The following PRSS22 variants were observed in gnomAD, a reference collection of about 807,000 sequenced individuals.
PRSS22 encodes serine protease 22, also known as brain-specific serine protease 4.
In PRSS22, 26 loss-of-function variants were observed where a neutral mutation model predicts 28.0. That is an observed-to-expected ratio of 0.93 (90% CI 0.68 to 1.29). The LOEUF (loss-of-function observed/expected upper bound fraction) is 1.29. Ranked by LOEUF, PRSS22 falls within the 50% of genes most tolerant of loss-of-function variation. The pLI, the probability that PRSS22 is intolerant of heterozygous loss-of-function variation, is 0.00. For missense variants in PRSS22, 444 were observed against 422.1 expected (o/e 1.05, Z -0.46); for synonymous variants, 217 against 177.9 (o/e 1.22, Z -1.75).
chr16:2,853,013 C>A lies in PRSS22; in HGVS notation c.*80G>T. 2.0e-6 allele frequency: 2 copies of A among 1,003,398 alleles called. No homozygotes were observed. Among genetic ancestry groups the A allele is most frequent in the South Asian group, 1.7e-5 (1 of 58,244 alleles). 62.2% of individuals were successfully genotyped at this position (1,003,398 alleles called of 1,614,324 possible). ...ATGAGCCTATTTACGGCGGGGGAAA[C>A]CGCCCGAGGCCGCCGCAGATCCAGA... On this transcript the variant is annotated 3_prime_UTR_variant, in exon 6 of 6. Coordinates refer to ENST00000161006, the MANE Select transcript of PRSS22 (RefSeq NM_022119.4). This position sits in a 1 kb window ranked among gnomAD's most constrained non-coding sequence, Gnocchi z 4.6.
intron 4 of PRSS22, among the ~76,000 whole-genome samples, chr16:2,855,131 T>G (rs2069442044): frequency 6.6e-6 from 1 of 151,968 alleles, no homozygotes; most frequent in South Asian, 2.1e-4. Flanking sequence ...GTGGATTGCT[T>G]GAGCCCAACA....
At position 2,856,890 on chromosome 16, in the gene PRSS22, C is replaced by G; in HGVS notation, c.83-42G>C. On this transcript the variant is annotated intron_variant, in intron 1 of 5. Coordinates refer to ENST00000161006, the MANE Select transcript of PRSS22 (RefSeq NM_022119.4). ...GAAACGGTTAGGCCGGTGAGGGGCC[C>G]CAGGACACAGTGGTGAGGGGCCCTC... 3.2e-6 allele frequency: 5 copies of G among 1,550,708 alleles called. No individual in the cohort carries two copies. In the South Asian group the frequency reaches 4.8e-5, roughly 15 times the overall value.
At position 2,853,474 on chromosome 16, in the gene PRSS22, G is replaced by A. The variant is rs527258080; in HGVS notation, c.718-145C>T. On this transcript the variant is annotated intron_variant, in intron 5 of 5. Coordinates refer to ENST00000161006, the MANE Select transcript of PRSS22 (RefSeq NM_022119.4). This position sits in a 1 kb window ranked among gnomAD's most constrained non-coding sequence, Gnocchi z 4.6. ...GGAGACAGGACCTGAGCTCCACCCA[G>A]GTGAGAAGTCCCCGGCGGCAGAGTA... The A allele has an allele frequency of 1.4e-6, 1 of 700,662 alleles. No individual in the cohort carries two copies. Among genetic ancestry groups the A allele is most frequent in the East Asian group, 2.7e-5 (1 of 36,764 alleles). The allele number at this position is 700,662 out of a possible 1,614,324, so 43.4% of individuals were successfully genotyped here. A position where few individuals can be genotyped will look rare whatever the true frequency, so the allele number is the denominator to read the frequency against.
chr16:2,855,428 G>T (rs370743956), intron 4 of PRSS22, 146 bp downstream of exon 4: 37 of 800,042 alleles, frequency 4.6e-5, no homozygotes, highest in African/African-American at 4.5e-4. Flanking sequence ...GGTTTCTTCT[G>T]GATTGCAGCC....
In PRSS22 at chr16:2,853,345, G is replaced by A. The variant is rs762119152; in HGVS notation, c.718-16C>T. Reference sequence around the variant, plus strand: ...CGGAGTCGCCCTGCAGAGAGGAGGCGAGGTTAGGAACCCCCGTGGCACAGG... The same window carrying A: ...CGGAGTCGCCCTGCAGAGAGGAGGCAAGGTTAGGAACCCCCGTGGCACAGG... On this transcript the variant is annotated splice_polypyrimidine_tract_variant and intron_variant, in intron 5 of 5. Transcript: ENST00000161006. This position sits in a 1 kb window ranked among gnomAD's most constrained non-coding sequence, Gnocchi z 4.6. The A allele has an allele frequency of 1.5e-5, 23 of 1,583,820 alleles. No individual in the cohort carries two copies. The highest frequency in any genetic ancestry group is 1.7e-5 in the Admixed American group (1 of 57,928).
Position 2,858,019 on chromosome 16 carries a change from G to T in PRSS22, c.82+4C>A, listed in dbSNP as rs1022870476. 7.8e-7 allele frequency: 1 copy of T among 1,278,796 alleles called. No homozygotes were observed. The highest frequency in any genetic ancestry group is 1.5e-5 in the African/African-American group (1 of 64,992). 79.2% of individuals were successfully genotyped at this position (1,278,796 alleles called of 1,614,324 possible). On this transcript the variant is annotated splice_donor_region_variant and intron_variant, in intron 1 of 5. Coordinates refer to ENST00000161006, the MANE Select transcript of PRSS22 (RefSeq NM_022119.4). ...GAGGAGGGAGGAGCAGCCTCCGGAC[G>T]TACCTGTCGACGCCAGCAGCAGCAG...
Position 2,853,748 on chromosome 16 carries a change from C to T in PRSS22, c.717+117G>A. On this transcript the variant is annotated intron_variant, in intron 5 of 5. Coordinates refer to ENST00000161006, the MANE Select transcript of PRSS22 (RefSeq NM_022119.4). This position sits in a 1 kb window ranked among gnomAD's most constrained non-coding sequence, Gnocchi z 4.6. ...TATGGGGACCCGGGACTGTCAGGCA[C>T]AGCCAGTTCTGGGGAGGAGGCCAGG... 2 of 1,184,320 alleles carry T rather than the reference C, an allele frequency of 1.7e-6. No homozygotes were observed. Among genetic ancestry groups the T allele is most frequent in the Non-Finnish European group, 2.4e-6 (2 of 848,050 alleles). The allele number at this position is 1,184,320 out of a possible 1,614,324, so 73.4% of individuals were successfully genotyped here.
intron 1 of PRSS22, chr16:2,857,709 A>C (rs1406720945): frequency 8.0e-6 from 2 of 251,384 alleles, no homozygotes. Context: ...GGAACAACAC[A>C]AAACGGTGCT....
rs2069425512 is a variant in PRSS22, at chr16:2,853,401, C to G, written c.718-72G>C. The G allele has an allele frequency of 7.7e-7, 1 of 1,291,500 alleles. No homozygotes were observed. 80.0% of individuals were successfully genotyped at this position (1,291,500 alleles called of 1,614,324 possible). On this transcript the variant is annotated intron_variant, in intron 5 of 5. Transcript: ENST00000161006. This position sits in a 1 kb window ranked among gnomAD's most constrained non-coding sequence, Gnocchi z 4.6. Reference sequence around the variant, plus strand: ...GCAGAATCCAGGGCCCGTGCCCTGTCAGGGGGCAGATGAGCCCCTTCCCGG... The same window carrying G: ...GCAGAATCCAGGGCCCGTGCCCTGTGAGGGGGCAGATGAGCCCCTTCCCGG...
At chr16:2,857,093 G>A in intron 1 of PRSS22, 1 of 600,130 alleles carries the variant, frequency 1.7e-6, no homozygotes, top group Non-Finnish European at 2.9e-6. Flanking sequence ...ACCCAGTGAG[G>A]AGGGTCCCTC....
Position 2,857,160 on chromosome 16 carries a change from A to G in PRSS22, c.83-312T>C, listed in dbSNP as rs569566136. ...GAGAAGGGGTCCAGTGCCCAGTGGGAAGGGGTCCCAGCACCCAGTGAGGAG... is the reference window on the plus strand; with the variant it reads ...GAGAAGGGGTCCAGTGCCCAGTGGGGAGGGGTCCCAGCACCCAGTGAGGAG... On this transcript the variant is annotated intron_variant, in intron 1 of 5. Transcript: ENST00000161006. The G allele has an allele frequency of 5.4e-5, 22 of 404,510 alleles. No individual in the cohort carries two copies. In the Admixed American group the frequency reaches 7.0e-4, roughly 13 times the overall value. The allele number at this position is 404,510 out of a possible 1,614,324, so 25.1% of individuals were successfully genotyped here.
In PRSS22 at chr16:2,858,010, C is replaced by T. The variant is rs368547796; in HGVS notation, c.82+13G>A. ...GGTGAGAGGGAGGAGGGAGGAGCAGCCTCCGGACGTACCTGTCGACGCCAG... is the reference window on the plus strand; with the variant it reads ...GGTGAGAGGGAGGAGGGAGGAGCAGTCTCCGGACGTACCTGTCGACGCCAG... On this transcript the variant is annotated intron_variant, in intron 1 of 5. Transcript: ENST00000161006. 4 of 1,272,668 alleles carry T rather than the reference C, an allele frequency of 3.1e-6. No individual in the cohort carries two copies. The highest frequency in any genetic ancestry group is 4.0e-6 in the Non-Finnish European group (4 of 1,000,954). The allele number at this position is 1,272,668 out of a possible 1,614,324, so 78.8% of individuals were successfully genotyped here. A position where few individuals can be genotyped will look rare whatever the true frequency, so the allele number is the denominator to read the frequency against.
At position 2,858,070 on chromosome 16, in the gene PRSS22, C is replaced by T. The variant is rs1204331108; in HGVS notation, c.35G>A (p.Gly12Glu). Residue 12 changes from glycine to glutamate, a missense_variant, in exon 1 of 6, where the codon GGG (glycine) becomes GAG (glutamate). Transcript: ENST00000161006. ...VVSGAPPALG[G>E]GCLGTFTSLL... ...GGAGGTGAAGGTGCCGAGACAGCCC[C>T]CACCCAGGGCTGGGGGCGCTCCAGA... 6 of 1,275,422 alleles carry T rather than the reference C, an allele frequency of 4.7e-6. No individual in the cohort carries two copies. Among genetic ancestry groups the T allele is most frequent in the Non-Finnish European group, 6.0e-6 (6 of 1,002,916 alleles). 79.0% of individuals were successfully genotyped at this position (1,275,422 alleles called of 1,614,324 possible). A position where few individuals can be genotyped will look rare whatever the true frequency, so the allele number is the denominator to read the frequency against.
At chr16:2,857,957 AG>A in intron 1 of PRSS22, 65 bp downstream of exon 1, 1 of 1,164,560 alleles carries the variant, frequency 8.6e-7, no homozygotes. Context: ...GGAGAGAGGG[AG>A]GGAGGGAAGG....
Position 2,853,297 on chromosome 16 carries a change from C to G in PRSS22, c.750G>C (p.Val250=), listed in dbSNP as rs2069424054. The change falls in exon 6 of 6, where the codon GTG becomes GTC. Residue 250 remains valine (V), a synonymous_variant. Transcript: ENST00000161006. The surrounding 1 kb of genome is among the most constrained non-coding windows in gnomAD (Gnocchi z 4.6). ...TGCCGGCCAGCAGCCAGGCGCCGTC[C>G]ACCTGGCACATGAGGGGGCCCCCGG... ...GDSGGPLMCQ[V]DGAWLLAGII... 1.9e-6 allele frequency: 3 copies of G among 1,598,860 alleles called. No individual in the cohort carries two copies. Among genetic ancestry groups the G allele is most frequent in the Non-Finnish European group, 2.5e-6 (3 of 1,179,300 alleles).
At chr16:2,857,635 A>T (rs1253668382) in intron 1 of PRSS22, 1 of 169,276 alleles carries the variant, frequency 5.9e-6, no homozygotes, top group South Asian at 1.9e-4. Flanking sequence ...GGAGGCACAG[A>T]CCTGAGCCCC....
Position 2,853,736 on chromosome 16 carries a change from G to T in PRSS22, c.717+129C>A. ...TGAGGCTGGTTCTATGGGGACCCGG[G>T]ACTGTCAGGCACAGCCAGTTCTGGG... On this transcript the variant is annotated intron_variant, in intron 5 of 5. Transcript: ENST00000161006. This position sits in a 1 kb window ranked among gnomAD's most constrained non-coding sequence, Gnocchi z 4.6. 1 of 1,028,382 alleles carries T rather than the reference G, an allele frequency of 9.7e-7. No homozygotes were observed. The highest frequency in any genetic ancestry group is 1.4e-6 in the Non-Finnish European group (1 of 714,852). The allele number at this position is 1,028,382 out of a possible 1,614,324, so 63.7% of individuals were successfully genotyped here. A position where few individuals can be genotyped will look rare whatever the true frequency, so the allele number is the denominator to read the frequency against.
In PRSS22 at chr16:2,856,707, C is replaced by T. The variant is rs893715020; in HGVS notation, c.109+115G>A. 15 of 1,240,408 alleles carry T rather than the reference C, an allele frequency of 1.2e-5. No homozygotes were observed. In the African/African-American group the frequency reaches 2.1e-4, roughly 17 times the overall value. The allele number at this position is 1,240,408 out of a possible 1,614,324, so 76.8% of individuals were successfully genotyped here. On this transcript the variant is annotated intron_variant, in intron 2 of 5. Coordinates refer to ENST00000161006, the MANE Select transcript of PRSS22 (RefSeq NM_022119.4). ...TGCCTCCCTTCCCCTCTAGCTCTTT[C>T]CCCCTCTCACCCCAGCCCCTTTCTG...
At chr16:2,857,205 A>G in intron 1 of PRSS22, 4 of 256,066 alleles carry the variant, frequency 1.6e-5, no homozygotes, top group African/African-American at 2.8e-5. Flanking sequence ...GCGCCCAGTG[A>G]GGAGGGCTCC....
Sources: allele counts gnomAD v4.1 joint callset (sites outside exome capture counted in the v4.1 genomes callset), GRCh38; gene constraint gnomAD v4.1.1; non-coding constraint Gnocchi (gnomAD v3.1); transcripts MANE v1.5; gene names NCBI Gene and HGNC (gene_info 2026-07-23, HGNC 2026-07-21).